CUX1: variants seen among roughly 807,000 people sequenced by gnomAD.
The protein encoded by CUX1 is cut like homeobox 1.
CUX1 carries 31 observed loss-of-function variants against 158.8 expected under a neutral mutation model. The ratio of observed to expected loss-of-function variants is 0.20; its 90% CI spans 0.15 to 0.26. CUX1 has a LOEUF of 0.26. Ranked by LOEUF, CUX1 falls within the 10% of genes least tolerant of loss-of-function variation. The probability of loss-of-function intolerance (pLI) is 1.00; values close to 1 mark genes in which losing one functional copy is unlikely to be tolerated. For synonymous variants in CUX1, 879 were observed against 862.1 expected (o/e 1.02, Z -0.34); for missense variants, 1,589 against 2,014.6 (o/e 0.79, Z 4.04).
intron 11 of CUX1, among the ~76,000 whole-genome samples, chr7:102,184,838 G>T (rs1215745322): frequency 1.3e-5 from 2 of 152,192 alleles, no homozygotes; most frequent in Non-Finnish European, 2.9e-5. Context: ...TAGAGACAGG[G>T]TCTCTCTATG....
At chr7:101,994,936 A>C (rs1815649248) in intron 2 of CUX1, among the ~76,000 whole-genome samples, 1 of 151,756 alleles carries the variant, frequency 6.6e-6, no homozygotes, top group Non-Finnish European at 1.5e-5. Flanking sequence ...CAAAAAAAAA[A>C]AAAAAAAAAA....
chr7:101,984,885 A>G lies in CUX1; in HGVS notation c.142-43213A>G, dbSNP rs1814076176. 2.0e-5 allele frequency among the ~76,000 whole-genome samples: 3 copies of G among 152,246 alleles called. No individual in the cohort carries two copies. In the South Asian group the frequency reaches 6.2e-4, roughly 31 times the overall value. ...AATTTTATTATATATTAAAGTTTCT[A>G]ACTTTTCAAATAATGCAGTTTTCGT... On this transcript the variant is annotated intron_variant, in intron 2 of 23. Coordinates refer to ENST00000292535, the MANE Select transcript of CUX1 (RefSeq NM_181552.4).
intron 2 of CUX1, among the ~76,000 whole-genome samples, chr7:102,026,818 TA>T (rs10533217): frequency 0.079 from 7,609 of 96,226 alleles, 690 homozygotes; most frequent in African/African-American, 0.22. Flanking sequence ...ACTCCGTCTT[TA>T]AAAAAAAAAA....
At position 102,032,670 on chromosome 7, in the gene CUX1, C is replaced by CTAAA. The variant is rs36138259; in HGVS notation, c.189+4550_189+4553dup. ...CCTGGGTGACAGAGTGAGACTCCGT[C>CTAAA]TAAATAAATAAATAAATAAATAAAT... On this transcript the variant is annotated intron_variant, in intron 3 of 23. Coordinates refer to ENST00000292535, the MANE Select transcript of CUX1 (RefSeq NM_181552.4). Among the ~76,000 whole-genome samples, 59 of 149,954 alleles carry CTAAA rather than the reference C, an allele frequency of 3.9e-4. 1 individual carries two copies. The South Asian group carries it at 7.7e-3, about 19-fold the overall frequency.
chr7:102,197,329 G>A lies in CUX1; in HGVS notation c.1894+24G>A, dbSNP rs189195256. 2.3e-4 allele frequency: 372 copies of A among 1,602,934 alleles called. No individual in the cohort carries two copies. The African/African-American group carries it at 3.5e-3, about 15-fold the overall frequency. The stretch of plus-strand genomic sequence containing the variant: ...AGGTGAGAGACTGGCGTTGGGTGGC[G>A]CCAGCGTGCGAGCCCGTCACAGAGT... On this transcript the variant is annotated intron_variant, in intron 15 of 23. Transcript: ENST00000292535.
At chr7:101,819,140 G>T (rs1343870780) in intron 1 of CUX1, among the ~76,000 whole-genome samples, 2 of 152,214 alleles carry the variant, frequency 1.3e-5, no homozygotes, top group Non-Finnish European at 2.9e-5. Context: ...AGTCCCAAAG[G>T]CTTGTGGTAT....
chr7:102,079,657 T>G (rs868989621), intron 4 of CUX1, among the ~76,000 whole-genome samples: 1 of 152,144 alleles, frequency 6.6e-6, no homozygotes, highest in African/African-American at 2.4e-5. Context: ...GAGAGCTCCC[T>G]GTAACTTCAG....
At chr7:101,890,371 T>C (rs1800747168) in intron 1 of CUX1, among the ~76,000 whole-genome samples, 1 of 151,860 alleles carries the variant, frequency 6.6e-6, no homozygotes, top group African/African-American at 2.4e-5. Flanking sequence ...ATGGTCAAAA[T>C]GGGGACATGA....
rs1482394343 is a variant in CUX1, at chr7:102,256,229, A to C, written c.*7187A>C. On this transcript the variant is annotated 3_prime_UTR_variant, in exon 24 of 24. Coordinates refer to ENST00000292535, the MANE Select transcript of CUX1 (RefSeq NM_181552.4). ...TGAGGCCACAGCCATCCCTTCCAGC[A>C]CTTAATCTTGTCTTGTTGAAATGGA... is the stretch of plus-strand genomic sequence containing the variant. 2.0e-6 allele frequency: 2 copies of C among 985,274 alleles called. No individual in the cohort carries two copies. The highest frequency in any genetic ancestry group is 2.4e-6 in the Non-Finnish European group (2 of 829,946). The allele number at this position is 985,274 out of a possible 1,614,324, so 61.0% of individuals were successfully genotyped here.
chr7:101,978,847 C>G (rs974822106), intron 2 of CUX1, among the ~76,000 whole-genome samples: 3 of 152,214 alleles, frequency 2.0e-5, no homozygotes, highest in Admixed American at 1.3e-4. Context: ...CTCTGTCTAC[C>G]TTTCCCTCCT....
At chr7:102,272,224 T>C (rs1791266963) in intron 14 of CUX1, among the ~76,000 whole-genome samples, 1 of 152,108 alleles carries the variant, frequency 6.6e-6, no homozygotes, top group Non-Finnish European at 1.5e-5. Flanking sequence ...CAGGAGCATG[T>C]GGGGGTGAGG....
intron 2 of CUX1, among the ~76,000 whole-genome samples, chr7:102,019,710 G>A (rs772252796): frequency 2.0e-4 from 30 of 152,254 alleles, no homozygotes; most frequent in African/African-American, 5.1e-4. Context: ...GTTGTACCAC[G>A]TACCACGCAA....
At chr7:102,070,072 G>A (rs919871139) in intron 3 of CUX1, among the ~76,000 whole-genome samples, 1 of 152,116 alleles carries the variant, frequency 6.6e-6, no homozygotes, top group Non-Finnish European at 1.5e-5. Context: ...GGAAGGGCAC[G>A]CCAGACCATT....
chr7:102,068,083 TTTG>T (rs564385716), intron 3 of CUX1, among the ~76,000 whole-genome samples: 5 of 151,608 alleles, frequency 3.3e-5, no homozygotes, highest in African/African-American at 4.8e-5. Flanking sequence ...AACCTTGTTT[TTTG>T]TTGTTGTTGT....
intron 6 of CUX1, among the ~76,000 whole-genome samples, chr7:102,107,999 G>A (rs1257308232): frequency 5.9e-5 from 9 of 152,302 alleles, no homozygotes; most frequent in Middle Eastern, 3.4e-3. Context: ...CCTTGACCCC[G>A]TTGATACGGA....
rs10711703 is a variant in CUX1 at position 101,969,359 on chromosome 7, C to CAAAAAAAAAAAAAAAAAAAAAAAAAAAG, written c.141+53158_141+53159insAAAGAAAAAAAAAAAAAAAAAAAAAAAA. ...CAAAAAACAAACAAACAAAAAACAG[C>CAAAAAAAAAAAAAAAAAAAAAAAAAAAG]AAAAAAAAAAAAAAAAAAAAAAAAG... On this transcript the variant is annotated intron_variant, in intron 2 of 23. Transcript: ENST00000292535. Among the ~76,000 whole-genome samples, 2 of 56,114 alleles carry CAAAAAAAAAAAAAAAAAAAAAAAAAAAG rather than the reference C, an allele frequency of 3.6e-5. 1 individual carries two copies. 36.8% of individuals were successfully genotyped at this position (56,114 alleles called of 152,430 possible).
intron 2 of CUX1, among the ~76,000 whole-genome samples, chr7:101,989,024 T>A (rs1814731776): frequency 1.3e-5 from 2 of 151,118 alleles, no homozygotes; most frequent in East Asian, 1.9e-4. Flanking sequence ...AATAATAATA[T>A]TTGTAGGGGA....
intron 5 of CUX1, 41 bp from the exon 6 acceptor site, chr7:102,104,295 A>G (rs201480): frequency 0.59 from 913,283 of 1,559,028 alleles, 276,600 homozygotes; most frequent in African/African-American, 0.8. Context: ...ATGGAATTGT[A>G]TGCTTCTCTT....
chr7:102,217,927 A>G (rs434624), intron 20 of CUX1, among the ~76,000 whole-genome samples: 92,294 of 141,268 alleles, frequency 0.65, 29,065 homozygotes, highest in East Asian at 0.93. Context: ...GTGTCTAGAG[A>G]GAGGGAGGCT....
Sources: gnomAD v4.1 joint callset for allele counts (sites outside exome capture counted in the v4.1 genomes callset) on GRCh38, gnomAD v4.1.1 for gene constraint, MANE v1.5 for transcripts, NCBI Gene and HGNC (gene_info 2026-07-23, HGNC 2026-07-21) for gene names.